Variants in LASP1 observed in about 807,000 individuals in gnomAD.
LASP1 encodes the protein LIM and SH3 domain protein 1.
In LASP1, 10 loss-of-function variants were observed where a neutral mutation model predicts 38.6. The observed-to-expected ratio is 0.26, with a 90% CI of 0.16 to 0.44. LASP1 has a LOEUF of 0.44. Ranked by LOEUF, LASP1 falls within the 20% of genes least tolerant of loss-of-function variation. The pLI is 1.00. For synonymous variants in LASP1, 132 were observed against 140.8 expected, an observed-to-expected ratio of 0.94 and a Z score of 0.44; for missense variants, 243 against 375.7, an observed-to-expected ratio of 0.65 and a Z score of 2.92.
Position 38,914,400 on chromosome 17 carries a change from G to T in LASP1, c.433G>T (p.Asp145Tyr), listed in dbSNP as rs1915047126. The T allele has an allele frequency of 6.2e-7, 1 of 1,612,126 alleles. No individual in the cohort carries two copies. The highest frequency in any genetic ancestry group is 8.5e-7 in the Non-Finnish European group (1 of 1,179,988). ...CGAGGGCATGGAGCCAGAGCGTCGG[G>T]ATTCACAGGACGGCAGCAGCTACCG... is the stretch of plus-strand genomic sequence containing the variant. ...GGEGMEPERR[D>Y]SQDGSSYRRP... The change falls in exon 5 of 7, where the codon GAT becomes TAT. Residue 145 changes from aspartate (D) to tyrosine (Y), a missense_variant. Around this residue, in one of 4 missense-constraint regions of LASP1, gnomAD observed 165 missense variants for 210.3 expected, o/e 0.78. Coordinates refer to ENST00000318008, the MANE Select transcript of LASP1 (RefSeq NM_006148.4).
chr17:38,912,826 A>G (rs1174105584), intron 4 of LASP1, among the ~76,000 whole-genome samples: 3 of 152,228 alleles, frequency 2.0e-5, no homozygotes, highest in African/African-American at 7.2e-5. Context: ...CAGTTGGCTA[A>G]GAGGACTGAG....
At position 38,918,813 on chromosome 17, in the gene LASP1, C is replaced by T; in HGVS notation, c.*35C>T. ...GCCCCCATCTGTCTTCAGCACATTCCACGGCATCGCATCCGTCCTGGGCGT... is the reference window on the plus strand; with the variant it reads ...GCCCCCATCTGTCTTCAGCACATTCTACGGCATCGCATCCGTCCTGGGCGT... On this transcript the variant is annotated 3_prime_UTR_variant, in exon 7 of 7. Transcript: ENST00000318008. The surrounding 1 kb of genome is among the most constrained non-coding windows in gnomAD (Gnocchi z 4.4). 1 of 1,607,512 alleles carries T rather than the reference C, an allele frequency of 6.2e-7. No homozygotes were observed.
chr17:38,909,055 C>T lies in LASP1; in HGVS notation c.358-5270C>T, dbSNP rs575627533. ...AAAGGCAGGCCAGCATTCTAGGGAACAGGAAGTGAAGTTGGCTTCCAGCTA... is the reference window on the plus strand; with the variant it reads ...AAAGGCAGGCCAGCATTCTAGGGAATAGGAAGTGAAGTTGGCTTCCAGCTA... On this transcript the variant is annotated intron_variant, in intron 4 of 6. Transcript: ENST00000318008. Among the ~76,000 whole-genome samples, 8 of 152,256 alleles carry T rather than the reference C, an allele frequency of 5.3e-5. No individual in the cohort carries two copies. The South Asian group carries it at 1.7e-3, about 32-fold the overall frequency.
rs372318670 is a variant in LASP1, at chr17:38,914,424, C to T, written c.457C>T (p.Arg153Trp). The T allele has an allele frequency of 5.8e-5, 94 of 1,611,348 alleles. No individual in the cohort carries two copies. Among genetic ancestry groups the T allele is most frequent in the East Asian group, 8.9e-5 (4 of 44,888 alleles). The change falls in exon 5 of 7, where the codon CGG becomes TGG. Residue 153 changes from arginine (R) to tryptophan (W), a missense_variant. Around this residue, in one of 4 missense-constraint regions of LASP1, gnomAD observed 165 missense variants for 210.3 expected, o/e 0.78. Coordinates refer to ENST00000318008, the MANE Select transcript of LASP1 (RefSeq NM_006148.4). Reference sequence around the variant, plus strand: ...GGATTCACAGGACGGCAGCAGCTACCGGCGGCCCCTGGAGCAGCAGCAGCC... The same window carrying T: ...GGATTCACAGGACGGCAGCAGCTACTGGCGGCCCCTGGAGCAGCAGCAGCC... ...RRDSQDGSSY[R>W]RPLEQQQPHH...
Position 38,919,897 on chromosome 17 carries a change from C to T in LASP1, c.*1119C>T, listed in dbSNP as rs985350637. On this transcript the variant is annotated 3_prime_UTR_variant, in exon 7 of 7. Coordinates refer to ENST00000318008, the MANE Select transcript of LASP1 (RefSeq NM_006148.4). ...GTGAGTGTGAGTGTGAGAGATGGGG[C>T]GGGGGTGTGTCTGTAGGTGTCTCTG... 4.2e-5 allele frequency: 21 copies of T among 502,690 alleles called. No homozygotes were observed. The highest frequency in any genetic ancestry group is 1.6e-4 in the Admixed American group (7 of 43,108). 31.1% of individuals were successfully genotyped at this position (502,690 alleles called of 1,614,324 possible).
At chr17:38,898,294 G>A in intron 3 of LASP1, 118 bp from the exon 4 acceptor site, 2 of 616,388 alleles carry the variant, frequency 3.2e-6, no homozygotes, top group Admixed American at 3.0e-5. Context: ...TCTGATCAGG[G>A]TCTTTCTGCT....
At chr17:38,896,213 A>AAATC (rs1330736645) in intron 3 of LASP1, among the ~76,000 whole-genome samples, 1 of 147,360 alleles carries the variant, frequency 6.8e-6, no homozygotes, top group Non-Finnish European at 1.5e-5. Flanking sequence ...AAGACCTTTC[A>AAATC]AAGAGCCTCC....
intron 1 of LASP1, among the ~76,000 whole-genome samples, chr17:38,870,613 C>T (rs1297322514): frequency 6.6e-6 from 1 of 152,028 alleles, no homozygotes; most frequent in East Asian, 1.9e-4. Flanking sequence ...GAAGAGACGG[C>T]CGCTCCCTCT....
intron 2 of LASP1, among the ~76,000 whole-genome samples, chr17:38,887,782 T>G (rs1425361731): frequency 6.6e-6 from 1 of 152,170 alleles, no homozygotes; most frequent in African/African-American, 2.4e-5. Context: ...CTCCTTTGAT[T>G]GAGGTCTCCA....
In LASP1 at chr17:38,899,088, C is replaced by T. The variant is rs955273100; in HGVS notation, c.357+569C>T. 1.6e-5 allele frequency: 5 copies of T among 319,660 alleles called. 1 individual carries two copies. Among genetic ancestry groups the T allele is most frequent in the Admixed American group, 4.1e-5 (1 of 24,660 alleles). 19.8% of individuals were successfully genotyped at this position (319,660 alleles called of 1,614,324 possible). ...GGCAGGGGTGGGCATGGAGAGTGGG[C>T]AGGGGATCAACTGTCCCCAGCATCG... is the stretch of plus-strand genomic sequence containing the variant. On this transcript the variant is annotated intron_variant, in intron 4 of 6. Transcript: ENST00000318008.
chr17:38,891,416 C>G (rs1160140738), intron 3 of LASP1, among the ~76,000 whole-genome samples: 1 of 152,084 alleles, frequency 6.6e-6, no homozygotes. Flanking sequence ...TCAGGGAGAA[C>G]CGACCCTGCC....
intron 4 of LASP1, among the ~76,000 whole-genome samples, chr17:38,913,997 G>A (rs1452120697): frequency 3.4e-5 from 5 of 144,966 alleles, no homozygotes; most frequent in Middle Eastern, 3.6e-3. Context: ...GCCAAACTCC[G>A]TCTCGAAAAA....
chr17:38,889,282 C>T (rs1325111440), intron 2 of LASP1, among the ~76,000 whole-genome samples: 1 of 152,160 alleles, frequency 6.6e-6, no homozygotes, highest in Admixed American at 6.5e-5. Flanking sequence ...AGGCGCACGC[C>T]ATCACACCCG....
At chr17:38,898,265 C>G (rs1420157580) in intron 3 of LASP1, 147 bp from the exon 4 acceptor site, 6 of 584,918 alleles carry the variant, frequency 1.0e-5, no homozygotes, top group Admixed American at 3.0e-5. Flanking sequence ...GCTGAGGCCT[C>G]TGCTTTGAGT....
At chr17:38,884,681 G>A (rs1043291208) in intron 2 of LASP1, among the ~76,000 whole-genome samples, 4 of 139,942 alleles carry the variant, frequency 2.9e-5, no homozygotes, top group African/African-American at 1.1e-4. Context: ...GAGCCACCAC[G>A]TCCGGCTTTT....
chr17:38,907,242 C>T (rs1459635350), intron 4 of LASP1, among the ~76,000 whole-genome samples: 2 of 152,126 alleles, frequency 1.3e-5, no homozygotes, highest in Non-Finnish European at 2.9e-5. Flanking sequence ...TTTTCTCAGC[C>T]CATTTAGCCG....
At chr17:38,879,258 C>A (rs759775272) in intron 2 of LASP1, among the ~76,000 whole-genome samples, 4 of 146,278 alleles carry the variant, frequency 2.7e-5, no homozygotes, top group African/African-American at 1.0e-4. Context: ...TGGATTCAAG[C>A]GATTCTTGTA....
chr17:38,894,811 C>T (rs762471130), intron 3 of LASP1, among the ~76,000 whole-genome samples: 6 of 152,040 alleles, frequency 3.9e-5, no homozygotes, highest in Non-Finnish European at 8.8e-5. Flanking sequence ...GATCTTGGCT[C>T]ATTGCAGCCT....
intron 3 of LASP1, among the ~76,000 whole-genome samples, chr17:38,891,773 A>G (rs1415340031): frequency 6.6e-6 from 1 of 152,218 alleles, no homozygotes; most frequent in African/African-American, 2.4e-5. Flanking sequence ...AATAATAAAC[A>G]TGATAGTTCC....
Sources: gnomAD v4.1 joint callset for allele counts (sites outside exome capture counted in the v4.1 genomes callset) on GRCh38, gnomAD v4.1.1 for gene constraint, gnomAD v4.1.1 regional missense constraint, Gnocchi (gnomAD v3.1) non-coding constraint, MANE v1.5 for transcripts, NCBI Gene and HGNC (gene_info 2026-07-23, HGNC 2026-07-21) for gene names.